Variants in DAAM1 observed in about 807,000 individuals in gnomAD.
The protein encoded by DAAM1 is disheveled-associated activator of morphogenesis 1.
DAAM1 carries 52 observed loss-of-function variants against 130.0 expected under a neutral mutation model. That is an observed-to-expected ratio of 0.40 (90% CI 0.32 to 0.50). DAAM1 has a LOEUF of 0.50. Among genes scored for constraint, DAAM1 ranks in the 20% least tolerant of loss-of-function variants. The pLI, the probability that DAAM1 is intolerant of heterozygous loss-of-function variation, is 0.61. For synonymous variants in DAAM1, 452 were observed against 444.5 expected, an observed-to-expected ratio of 1.02 and a Z score of -0.21; for missense variants, 1,134 against 1,303.8, an observed-to-expected ratio of 0.87 and a Z score of 2.01.
At chr14:59,361,173 G>A (rs191131157) in intron 22 of DAAM1, among the ~76,000 whole-genome samples, 1 of 152,262 alleles carries the variant, frequency 6.6e-6, no homozygotes, top group East Asian at 1.9e-4. Context: ...CTTCAGGGAC[G>A]CTCTCAGTTT....
At chr14:59,302,498 G>A (rs1338765150) in intron 3 of DAAM1, among the ~76,000 whole-genome samples, 4 of 152,066 alleles carry the variant, frequency 2.6e-5, no homozygotes, top group Non-Finnish European at 5.9e-5. Flanking sequence ...TGTCACTCAC[G>A]CCTGCATTGG....
intron 16 of DAAM1, among the ~76,000 whole-genome samples, chr14:59,343,729 G>C (rs1341544519): frequency 1.3e-5 from 2 of 152,208 alleles, no homozygotes; most frequent in Non-Finnish European, 2.9e-5. Context: ...CAAGCAGGCA[G>C]TTGGAAAGAG....
chr14:59,257,106 G>A (rs1390677560), intron 1 of DAAM1, among the ~76,000 whole-genome samples: 1 of 152,054 alleles, frequency 6.6e-6, no homozygotes, highest in Non-Finnish European at 1.5e-5. Flanking sequence ...GCTTCTGTCA[G>A]CATCAGAAAG....
At chr14:59,219,213 G>A (rs1888689251) in intron 1 of DAAM1, among the ~76,000 whole-genome samples, 1 of 152,198 alleles carries the variant, frequency 6.6e-6, no homozygotes, top group South Asian at 2.1e-4. Flanking sequence ...CAGCCAGTGT[G>A]TAATACTGAA....
intron 24 of DAAM1, among the ~76,000 whole-genome samples, chr14:59,368,297 T>G (rs1887005540): frequency 6.6e-6 from 1 of 152,186 alleles, no homozygotes. Flanking sequence ...GATGACCATT[T>G]GCTTTAGTTA....
At chr14:59,195,617 C>T (rs1369154250) in intron 1 of DAAM1, among the ~76,000 whole-genome samples, 1 of 152,076 alleles carries the variant, frequency 6.6e-6, no homozygotes, top group Non-Finnish European at 1.5e-5. Flanking sequence ...AAAAAAATAC[C>T]TGCAGTGTGA....
intron 2 of DAAM1, chr14:59,265,393 C>T (rs577699097): frequency 1.3e-5 from 2 of 152,336 alleles, no homozygotes; most frequent in African/African-American, 4.8e-5. Context: ...ATGAAGAACT[C>T]TGTTGCAGGT....
At chr14:59,359,814 T>C (rs977827470) in intron 21 of DAAM1, among the ~76,000 whole-genome samples, 1 of 152,248 alleles carries the variant, frequency 6.6e-6, no homozygotes, top group Admixed American at 6.5e-5. Context: ...AAGACCTAAG[T>C]GTCAGAACAT....
intron 1 of DAAM1, among the ~76,000 whole-genome samples, chr14:59,246,888 T>G (rs1881406247): frequency 6.6e-6 from 1 of 152,202 alleles, no homozygotes; most frequent in African/African-American, 2.4e-5. Context: ...TTTGCTCATT[T>G]TTTAATGGAG....
intron 10 of DAAM1, 121 bp from the exon 11 acceptor site, chr14:59,326,389 G>T: frequency 1.0e-6 from 1 of 967,856 alleles, no homozygotes; most frequent in East Asian, 2.6e-5. Context: ...GGGAAGCATT[G>T]GTGCAGATGT....
chr14:59,303,539 C>T (rs1406661915), intron 3 of DAAM1, among the ~76,000 whole-genome samples: 1 of 152,102 alleles, frequency 6.6e-6, no homozygotes, highest in Non-Finnish European at 1.5e-5. Context: ...ATTGCTAGCT[C>T]TGAACAATTG....
chr14:59,355,200 G>A lies in DAAM1; in HGVS notation c.2392G>A (p.Gly798Ser), dbSNP rs757084928. 2 of 1,614,052 alleles carry A rather than the reference G, an allele frequency of 1.2e-6. No individual in the cohort carries two copies. Among genetic ancestry groups the A allele is most frequent in the Admixed American group, 1.7e-5 (1 of 60,018 alleles). Residue 798 changes from glycine (G) to serine (S), a missense_variant, in exon 20 of 25, where the codon GGT (glycine) becomes AGT (serine). This residue lies in a region of DAAM1 where 644 missense variants were observed against 695.9 expected (regional missense o/e 0.93). Coordinates refer to ENST00000360909, the MANE Select transcript of DAAM1 (RefSeq NM_001270520.2). ...RSGSEEVFRS[G>S]ALKQLLEVVL... The stretch of plus-strand genomic sequence containing the variant: ...TGGCTCAGAAGAGGTGTTTAGGAGT[G>A]GTGCCCTCAAGCAGTTGCTGGAGGT...
At chr14:59,191,578 T>C (rs1162696489) in intron 1 of DAAM1, among the ~76,000 whole-genome samples, 2 of 152,222 alleles carry the variant, frequency 1.3e-5, no homozygotes. Context: ...CCAAAACTTG[T>C]CTGGCATAAA....
At position 59,356,739 on chromosome 14, in the gene DAAM1, A is replaced by G. The variant is rs148351608; in HGVS notation, c.2525+1406A>G. ...ACACAAAAGCAATCACCCATCCCCAATACTTACCAATAACCTGGCACTTAC... is the reference window on the plus strand; with the variant it reads ...ACACAAAAGCAATCACCCATCCCCAGTACTTACCAATAACCTGGCACTTAC... On this transcript the variant is annotated intron_variant, in intron 20 of 24. Coordinates refer to ENST00000360909, the MANE Select transcript of DAAM1 (RefSeq NM_001270520.2). Among the ~76,000 whole-genome samples, 34 of 152,336 alleles carry G rather than the reference A, an allele frequency of 2.2e-4. No individual in the cohort carries two copies. In the East Asian group the frequency reaches 5.8e-3, roughly 26 times the overall value.
At chr14:59,344,290 G>A (rs958728361) in intron 16 of DAAM1, among the ~76,000 whole-genome samples, 4 of 152,230 alleles carry the variant, frequency 2.6e-5, no homozygotes, top group African/African-American at 9.6e-5. Flanking sequence ...TTTTAATTAC[G>A]CCTGGATGTT....
chr14:59,355,052 A>G (rs766478621), intron 19 of DAAM1, 113 bp from the exon 20 acceptor site: 20 of 1,379,740 alleles, frequency 1.4e-5, no homozygotes, highest in Non-Finnish European at 2.0e-5. Context: ...TCAGTCTTAC[A>G]TCTTCAATAT....
chr14:59,236,195 C>T (rs1236658349), intron 1 of DAAM1, among the ~76,000 whole-genome samples: 1 of 151,500 alleles, frequency 6.6e-6, no homozygotes, highest in Non-Finnish European at 1.5e-5. Context: ...GCATTTGAAT[C>T]TTCAGGTAAT....
Position 59,369,123 on chromosome 14 carries a change from A to C in DAAM1, c.*264A>C. 1 of 340,348 alleles carries C rather than the reference A, an allele frequency of 2.9e-6. No homozygotes were observed. Among genetic ancestry groups the C allele is most frequent in the Non-Finnish European group, 5.4e-6 (1 of 185,680 alleles). 21.1% of individuals were successfully genotyped at this position (340,348 alleles called of 1,614,324 possible). On this transcript the variant is annotated 3_prime_UTR_variant, in exon 25 of 25. Transcript: ENST00000360909. Reference sequence around the variant, plus strand: ...TCCAAAACCTTTCGTGTATGCATTCACATTGAGTGTGGCTCATTTTCTTTC... The same window carrying C: ...TCCAAAACCTTTCGTGTATGCATTCCCATTGAGTGTGGCTCATTTTCTTTC...
At chr14:59,299,881 T>C (rs1435687340) in intron 3 of DAAM1, 1 of 152,112 alleles carries the variant, frequency 6.6e-6, no homozygotes, top group Non-Finnish European at 1.5e-5. Context: ...TGCACTTTTT[T>C]TCCTCTTAGC....
Sources: allele counts gnomAD v4.1 joint callset (sites outside exome capture counted in the v4.1 genomes callset), GRCh38; gene constraint gnomAD v4.1.1; regional missense constraint gnomAD v4.1.1; transcripts MANE v1.5; gene names NCBI Gene and HGNC (gene_info 2026-07-23, HGNC 2026-07-21).